The following CNTNAP3B variants were observed in gnomAD, a reference collection of about 807,000 sequenced individuals.
CNTNAP3B encodes the protein contactin-associated protein-like 3B.
A neutral mutation model predicts 108.9 loss-of-function variants in CNTNAP3B; 25 were observed. The ratio of observed to expected loss-of-function variants is 0.23; its 90% CI spans 0.17 to 0.32. CNTNAP3B has a LOEUF of 0.32. Ranked by LOEUF, CNTNAP3B falls within the 10% of genes least tolerant of loss-of-function variation. The pLI, the probability that CNTNAP3B is intolerant of heterozygous loss-of-function variation, is 1.00. For missense variants in CNTNAP3B, 252 were observed against 1,210.4 expected (o/e 0.21, Z 11.75); for synonymous variants, 103 against 473.4 (o/e 0.22, Z 10.16).
chr9:42,013,041 G>GA (rs1000655720), intron 4 of CNTNAP3B, among the ~76,000 whole-genome samples: 1 of 89,044 alleles, frequency 1.1e-5, no homozygotes, highest in African/African-American at 4.5e-5. Context: ...CTCAGCTTCA[G>GA]AAAAACAGCA....
In CNTNAP3B at chr9:41,937,069, A is replaced by G. The variant is rs1287757596; in HGVS notation, c.2237+1175T>C. On this transcript the variant is annotated intron_variant, in intron 14 of 23. Transcript: ENST00000377561. ...GATTAGCTATTTTATGTCCAAATCA[A>G]TTATACTGACACCTGGAATGACCAT... Among the ~76,000 whole-genome samples, 769 of 145,374 alleles carry G rather than the reference A, an allele frequency of 5.3e-3. 9 individuals carry two copies. Among genetic ancestry groups the G allele is most frequent in the African/African-American group, 0.019 (736 of 37,876 alleles).
chr9:42,001,650 A>C (rs1660702427), intron 4 of CNTNAP3B, among the ~76,000 whole-genome samples: 1 of 109,218 alleles, frequency 9.2e-6, no homozygotes, highest in East Asian at 4.0e-4. Flanking sequence ...CGTTCCTCAA[A>C]GTTTTCAGAA....
intron 1 of CNTNAP3B, among the ~76,000 whole-genome samples, chr9:42,111,164 G>A (rs1828186616): frequency 7.2e-6 from 1 of 138,986 alleles, no homozygotes; most frequent in Non-Finnish European, 1.5e-5. Flanking sequence ...AGGATGGTCA[G>A]GAAGCCCACG....
intron 9 of CNTNAP3B, among the ~76,000 whole-genome samples, chr9:41,972,525 T>A (rs1473456052): frequency 7.2e-6 from 1 of 138,688 alleles, no homozygotes; most frequent in Non-Finnish European, 1.5e-5. Flanking sequence ...TGAAGCTTTA[T>A]CTCTTTAACT....
intron 14 of CNTNAP3B, among the ~76,000 whole-genome samples, chr9:41,934,729 G>A (rs1424196719): frequency 6.6e-6 from 1 of 152,266 alleles, no homozygotes; most frequent in Non-Finnish European, 1.5e-5. Context: ...ACTTCACCGA[G>A]TGCTTATATT....
At chr9:42,021,877 T>C (rs1413230256) in intron 3 of CNTNAP3B, among the ~76,000 whole-genome samples, 2 of 136,668 alleles carry the variant, frequency 1.5e-5, no homozygotes, top group African/African-American at 2.9e-5. Context: ...ATTCTAACAG[T>C]GACAAAATTA....
chr9:41,958,382 G>A (rs552759037), intron 12 of CNTNAP3B, among the ~76,000 whole-genome samples: 7 of 152,408 alleles, frequency 4.6e-5, no homozygotes, highest in East Asian at 1.9e-4. Flanking sequence ...CTGGTCTAAG[G>A]CTATCTTCCC....
At chr9:41,924,374 G>A (rs1189381465) in intron 15 of CNTNAP3B, among the ~76,000 whole-genome samples, 4 of 152,308 alleles carry the variant, frequency 2.6e-5, no homozygotes, top group Admixed American at 2.6e-4. Flanking sequence ...GTAGGGACAG[G>A]GTCAAGTTCA....
chr9:41,960,635 C>G, intron 12 of CNTNAP3B, 138 bp downstream of exon 12: 3 of 1,448,728 alleles, frequency 2.1e-6, no homozygotes, highest in Non-Finnish European at 2.8e-6. Context: ...TTGTTGACAA[C>G]AAAATTAATA....
chr9:41,943,434 GC>G (rs1188301996), intron 13 of CNTNAP3B, among the ~76,000 whole-genome samples: 1 of 145,582 alleles, frequency 6.9e-6, no homozygotes, highest in Non-Finnish European at 1.5e-5. Flanking sequence ...CTCACTGCAA[GC>G]TCCGCCTCCT....
At chr9:41,933,460 CTT>C (rs1824042690) in intron 14 of CNTNAP3B, among the ~76,000 whole-genome samples, 1 of 142,788 alleles carries the variant, frequency 7.0e-6, no homozygotes, top group Non-Finnish European at 1.5e-5. Context: ...CCTTAATTCT[CTT>C]GAATAAGTTT....
At chr9:42,096,948 T>C (rs1827913661) in intron 2 of CNTNAP3B, among the ~76,000 whole-genome samples, 1 of 130,456 alleles carries the variant, frequency 7.7e-6, no homozygotes, top group Admixed American at 7.7e-5. Flanking sequence ...AGACAGGGTT[T>C]TGATGTTGCC....
Position 42,125,716 on chromosome 9 carries a change from G to A in CNTNAP3B, c.85+3294C>T, listed in dbSNP as rs1484054500. Among the ~76,000 whole-genome samples, 5 of 129,672 alleles carry A rather than the reference G, an allele frequency of 3.9e-5. 2 individuals carry two copies. The East Asian group carries it at 1.2e-3, about 30-fold the overall frequency. The allele number at this position is 129,672 out of a possible 152,430, so 85.1% of individuals were successfully genotyped here. On this transcript the variant is annotated intron_variant, in intron 1 of 23. Coordinates refer to ENST00000377561, the MANE Select transcript of CNTNAP3B (RefSeq NM_001201380.3). ...GACAGAGTCTCACTCCGTCACCCAGGCTGGAGTGCAGTGGCACGATCTCAG... is the reference window on the plus strand; with the variant it reads ...GACAGAGTCTCACTCCGTCACCCAGACTGGAGTGCAGTGGCACGATCTCAG...
At chr9:41,961,077 T>G (rs1381617465) in intron 11 of CNTNAP3B, among the ~76,000 whole-genome samples, 185 bp from the exon 12 acceptor site, 1 of 152,306 alleles carries the variant, frequency 6.6e-6, no homozygotes, top group Non-Finnish European at 1.5e-5. Context: ...AAATCTATTT[T>G]TATTAACAAA....
intron 14 of CNTNAP3B, among the ~76,000 whole-genome samples, chr9:41,934,934 T>C (rs1382071714): frequency 6.6e-6 from 1 of 152,304 alleles, no homozygotes; most frequent in Non-Finnish European, 1.5e-5. Flanking sequence ...ACAAAAGTCC[T>C]ATTTAAATTC....
chr9:42,110,395 G>A (rs1169196724), intron 1 of CNTNAP3B, among the ~76,000 whole-genome samples: 5 of 136,758 alleles, frequency 3.7e-5, no homozygotes, highest in African/African-American at 5.9e-5. Flanking sequence ...AGAGGGGAAG[G>A]GGCCACCGAA....
chr9:42,111,968 C>T (rs1299676357), intron 1 of CNTNAP3B, among the ~76,000 whole-genome samples: 1 of 139,112 alleles, frequency 7.2e-6, no homozygotes, highest in Non-Finnish European at 1.5e-5. Context: ...TCAACGAGCT[C>T]CAATGGATCC....
intron 4 of CNTNAP3B, among the ~76,000 whole-genome samples, chr9:42,004,024 A>G (rs1388097895): frequency 6.9e-6 from 1 of 145,432 alleles, no homozygotes; most frequent in African/African-American, 2.6e-5. Context: ...TAGAGTTATA[A>G]TTTATATTCA....
At chr9:41,917,576 GA>G (rs1823548673) in intron 18 of CNTNAP3B, among the ~76,000 whole-genome samples, 1 of 142,188 alleles carries the variant, frequency 7.0e-6, no homozygotes, top group Non-Finnish European at 1.5e-5. Flanking sequence ...CACAGGGTGG[GA>G]AAGGTAACTT....
Sources: gnomAD v4.1 joint callset for allele counts (sites outside exome capture counted in the v4.1 genomes callset) on GRCh38, gnomAD v4.1.1 for gene constraint, MANE v1.5 for transcripts, NCBI Gene and HGNC (gene_info 2026-07-23, HGNC 2026-07-21) for gene names.